PPP2R2B: variants seen among roughly 807,000 people sequenced by gnomAD.
PPP2R2B encodes the protein protein phosphatase 2 regulatory subunit Bbeta.
Under a neutral mutation model 46.0 loss-of-function variants are expected in PPP2R2B, and 5 were observed. The observed-to-expected ratio is 0.11, with a 90% CI of 0.06 to 0.23. The LOEUF is 0.23. Ranked by LOEUF, PPP2R2B falls within the 10% of genes least tolerant of loss-of-function variation. PPP2R2B has a pLI of 1.00. For synonymous variants in PPP2R2B, 215 were observed against 206.7 expected, an observed-to-expected ratio of 1.04 and a Z score of -0.34; for missense variants, 367 against 575.0, an observed-to-expected ratio of 0.64 and a Z score of 3.70.
intron 1 of PPP2R2B, among the ~76,000 whole-genome samples, chr5:146,993,651 AG>A (rs1753800324): frequency 6.6e-6 from 1 of 152,130 alleles, no homozygotes; most frequent in Non-Finnish European, 1.5e-5. Flanking sequence ...ACTCTTTCCA[AG>A]CCTCAGCTTT....
chr5:146,739,422 G>C (rs1326737682), intron 2 of PPP2R2B, among the ~76,000 whole-genome samples: 1 of 152,184 alleles, frequency 6.6e-6, no homozygotes, highest in Non-Finnish European at 1.5e-5. Flanking sequence ...CCTGGCCAAA[G>C]GGCAAAGGAT....
intron 2 of PPP2R2B, among the ~76,000 whole-genome samples, chr5:146,850,669 C>A (rs1760291123): frequency 6.6e-6 from 1 of 152,110 alleles, no homozygotes; most frequent in South Asian, 2.1e-4. Flanking sequence ...GGAAGCCTTC[C>A]CTGTCTAGGT....
At chr5:146,777,864 T>C (rs1228084684) in intron 2 of PPP2R2B, among the ~76,000 whole-genome samples, 3 of 152,182 alleles carry the variant, frequency 2.0e-5, no homozygotes, top group Admixed American at 1.3e-4. Context: ...AACATATTAA[T>C]CCATGTCTAT....
chr5:146,938,948 T>G (rs528701531), intron 1 of PPP2R2B, among the ~76,000 whole-genome samples: 4 of 152,010 alleles, frequency 2.6e-5, no homozygotes, highest in South Asian at 4.2e-4. Context: ...ACCTGGCTAA[T>G]TTTTTGTATT....
chr5:147,053,346 C>A (rs1382382252), intron 1 of PPP2R2B, among the ~76,000 whole-genome samples: 1 of 152,030 alleles, frequency 6.6e-6, no homozygotes, highest in Non-Finnish European at 1.5e-5. Context: ...CTAAGAAGCC[C>A]AGAAATTGTT....
chr5:146,822,975 G>GA (rs1374456468), intron 2 of PPP2R2B, among the ~76,000 whole-genome samples: 5 of 152,050 alleles, frequency 3.3e-5, no homozygotes, highest in East Asian at 1.9e-4. Context: ...ACATCCTTGA[G>GA]AAAAAAAGAC....
At chr5:146,704,549 A>G (rs1456148300) in intron 2 of PPP2R2B, among the ~76,000 whole-genome samples, 1 of 152,226 alleles carries the variant, frequency 6.6e-6, no homozygotes, top group Non-Finnish European at 1.5e-5. Flanking sequence ...CACAATGACT[A>G]AAAACAAAAG....
chr5:146,879,010 A>G, upstream of PPP2R2B: 2 of 895,708 alleles, frequency 2.2e-6, no homozygotes, highest in Non-Finnish European at 2.8e-6. Context: ...GGCCACGTCT[A>G]CGCTAGCACC....
intron 2 of PPP2R2B, among the ~76,000 whole-genome samples, chr5:146,805,240 T>C (rs1363969057): frequency 1.3e-5 from 2 of 152,152 alleles, no homozygotes; most frequent in Non-Finnish European, 2.9e-5. Context: ...CATTTGTGCA[T>C]GAAGTCATCT....
At chr5:146,762,969 A>G (rs1391735084) in intron 2 of PPP2R2B, among the ~76,000 whole-genome samples, 1 of 152,156 alleles carries the variant, frequency 6.6e-6, no homozygotes, top group East Asian at 1.9e-4. Context: ...AGCCTCTGTC[A>G]TTTGGCTAAT....
At chr5:146,655,405 T>C (rs1776259156) in intron 5 of PPP2R2B, among the ~76,000 whole-genome samples, 1 of 152,008 alleles carries the variant, frequency 6.6e-6, no homozygotes, top group Non-Finnish European at 1.5e-5. Flanking sequence ...TGTCACCCCC[T>C]CAGGGAGGCC....
Position 146,590,262 on chromosome 5 carries a change from C to T in PPP2R2B, c.1053-36G>A, listed in dbSNP as rs770605280. ...GAGAGCAAAGGCAATGACATATCTT[C>T]ACTGTCTTTTCTTTTTGGAGCAAAT... On this transcript the variant is annotated intron_variant, in intron 9 of 9. Coordinates refer to ENST00000394411, the MANE Select transcript of PPP2R2B (RefSeq NM_181675.4). The T allele has an allele frequency of 2.0e-6, 3 of 1,533,228 alleles. No homozygotes were observed. The African/African-American group carries it at 7.7e-5, about 39-fold the overall frequency. The allele number at this position is 1,533,228 out of a possible 1,614,324, so 95.0% of individuals were successfully genotyped here.
At chr5:147,057,187 G>C (rs1283243310), upstream of PPP2R2B, among the ~76,000 whole-genome samples, 1 of 152,166 alleles carries the variant, frequency 6.6e-6, no homozygotes, top group Non-Finnish European at 1.5e-5. Flanking sequence ...CCACCAGTAT[G>C]CCACTTCTCT....
intron 1 of PPP2R2B, among the ~76,000 whole-genome samples, chr5:146,951,771 T>G (rs1159000155): frequency 7.2e-5 from 11 of 152,024 alleles, no homozygotes; most frequent in Non-Finnish European, 1.6e-4. Flanking sequence ...TGATGGGCAT[T>G]TGGGTTGATT....
rs765976646 is a variant in PPP2R2B, at chr5:146,878,182, A to C, written c.-111T>G. 10 of 1,594,304 alleles carry C rather than the reference A, an allele frequency of 6.3e-6. No homozygotes were observed. Among genetic ancestry groups the C allele is most frequent in the Non-Finnish European group, 8.5e-6 (10 of 1,169,790 alleles). The stretch of plus-strand genomic sequence containing the variant: ...GGGGCAGGGGAGCCAGTGGGACTGC[A>C]CCATGGTCCGAGCCTGAGGAGGAGA... On this transcript the variant is annotated 5_prime_UTR_variant, in exon 2 of 10. Coordinates refer to ENST00000394411, the MANE Select transcript of PPP2R2B (RefSeq NM_181675.4). This position sits in a 1 kb window ranked among gnomAD's most constrained non-coding sequence, Gnocchi z 4.5.
At chr5:146,663,371 C>T (rs577776448) in intron 5 of PPP2R2B, among the ~76,000 whole-genome samples, 1 of 152,296 alleles carries the variant, frequency 6.6e-6, no homozygotes, top group South Asian at 2.1e-4. Context: ...TAAACTACAA[C>T]AAGATTTTCA....
chr5:146,781,721 G>T (rs1478231727), intron 2 of PPP2R2B, among the ~76,000 whole-genome samples: 2 of 152,066 alleles, frequency 1.3e-5, no homozygotes, highest in Non-Finnish European at 2.9e-5. Flanking sequence ...CAGAATCATA[G>T]TTGTCCCAAT....
At chr5:146,686,086 A>G (rs141444177) in intron 5 of PPP2R2B, among the ~76,000 whole-genome samples, 24 of 152,360 alleles carry the variant, frequency 1.6e-4, no homozygotes, top group African/African-American at 5.3e-4. Flanking sequence ...TCCGTTTTCT[A>G]GCCATGAGAT....
At chr5:146,664,706 A>C (rs944109502) in intron 5 of PPP2R2B, among the ~76,000 whole-genome samples, 4 of 152,172 alleles carry the variant, frequency 2.6e-5, no homozygotes, top group African/African-American at 9.7e-5. Flanking sequence ...AGTGCGTCCC[A>C]GAAGATGTTC....
Sources: gnomAD v4.1 joint callset for allele counts (sites outside exome capture counted in the v4.1 genomes callset) on GRCh38, gnomAD v4.1.1 for gene constraint, Gnocchi (gnomAD v3.1) non-coding constraint, MANE v1.5 for transcripts, NCBI Gene and HGNC (gene_info 2026-07-23, HGNC 2026-07-21) for gene names.